GALK2: variants seen among roughly 807,000 people sequenced by gnomAD.
GALK2 encodes N-acetylgalactosamine kinase.
Under a neutral mutation model 52.4 loss-of-function variants are expected in GALK2, and 36 were observed. The observed-to-expected ratio is 0.69, with a 90% confidence interval of 0.53 to 0.91. The LOEUF (loss-of-function observed/expected upper bound fraction) is 0.91. Among genes scored for constraint, GALK2 ranks in the 40% least tolerant of loss-of-function variants. The probability of loss-of-function intolerance (pLI) is 0.00; values close to 1 mark genes in which losing one functional copy is unlikely to be tolerated. For synonymous variants in GALK2, 176 were observed against 199.1 expected (o/e 0.88, Z 0.98); for missense variants, 579 against 559.1 (o/e 1.04, Z -0.36).
chr15:49,240,559 A>G (rs1380981391), intron 5 of GALK2, among the ~76,000 whole-genome samples: 1 of 152,216 alleles, frequency 6.6e-6, no homozygotes, highest in Non-Finnish European at 1.5e-5. Context: ...TTTAGAGAGC[A>G]TAGGACATCT....
chr15:49,197,227 T>G (rs2087313229), intron 1 of GALK2, among the ~76,000 whole-genome samples: 2 of 152,372 alleles, frequency 1.3e-5, no homozygotes, highest in Middle Eastern at 3.4e-3. Flanking sequence ...TTTCTTGATA[T>G]TTAGTCTTTC....
At chr15:49,181,034 TCC>T (rs1566910221) in intron 1 of GALK2, among the ~76,000 whole-genome samples, 1 of 126,824 alleles carries the variant, frequency 7.9e-6, no homozygotes, top group Non-Finnish European at 1.8e-5. Context: ...CTTCCTTCCT[TCC>T]TTCCTTCCTT....
intron 1 of GALK2, among the ~76,000 whole-genome samples, chr15:49,163,567 C>T (rs1325452385): frequency 1.3e-5 from 2 of 152,176 alleles, no homozygotes; most frequent in Non-Finnish European, 2.9e-5. Flanking sequence ...GTTCCAGCAT[C>T]ATTTGTTGAA....
chr15:49,240,435 T>G (rs1422666348), intron 5 of GALK2, among the ~76,000 whole-genome samples: 1 of 152,196 alleles, frequency 6.6e-6, no homozygotes, highest in East Asian at 1.9e-4. Flanking sequence ...AAGTATAGTC[T>G]CAACTTTCAC....
chr15:49,344,550 G>C (rs1434201085), intron 3 of GALK2, among the ~76,000 whole-genome samples: 2 of 152,160 alleles, frequency 1.3e-5, no homozygotes, highest in Non-Finnish European at 1.5e-5. Flanking sequence ...AGCCTAGCGA[G>C]GGAGGACTGT....
chr15:49,201,398 C>A, intron 2 of GALK2, 148 bp downstream of exon 2: 1 of 523,488 alleles, frequency 1.9e-6, no homozygotes, highest in Non-Finnish European at 3.4e-6. Flanking sequence ...GCATAAGGAA[C>A]ACACTTTACT....
chr15:49,311,059 A>AT (rs993133439), intron 8 of GALK2, among the ~76,000 whole-genome samples: 3 of 152,068 alleles, frequency 2.0e-5, no homozygotes, highest in Non-Finnish European at 4.4e-5. Context: ...TCTTAAGTTG[A>AT]TTTTTTTATA....
intron 3 of GALK2, among the ~76,000 whole-genome samples, chr15:49,347,447 T>G (rs1019087385): frequency 6.6e-5 from 10 of 152,148 alleles, no homozygotes; most frequent in African/African-American, 2.2e-4. Flanking sequence ...ATAGGACAGA[T>G]TATTGATGAC....
chr15:49,236,168 G>C (rs999310436), intron 4 of GALK2, among the ~76,000 whole-genome samples: 4 of 152,130 alleles, frequency 2.6e-5, no homozygotes, highest in African/African-American at 9.7e-5. Flanking sequence ...ATAAATAGGT[G>C]CATCTGACAA....
At chr15:49,312,565 CT>C (rs1242886407) in intron 8 of GALK2, among the ~76,000 whole-genome samples, 3 of 152,202 alleles carry the variant, frequency 2.0e-5, no homozygotes, top group African/African-American at 7.2e-5. Flanking sequence ...CCCTCCCCAG[CT>C]TAGAGACAGC....
chr15:49,311,090 T>A (rs1271935118), intron 8 of GALK2, among the ~76,000 whole-genome samples: 2 of 152,186 alleles, frequency 1.3e-5, no homozygotes, highest in African/African-American at 4.8e-5. Context: ...CAGGAGTCTA[T>A]TTGTCTTCTT....
At chr15:49,187,708 C>A (rs1428102623) in intron 1 of GALK2, among the ~76,000 whole-genome samples, 1 of 152,166 alleles carries the variant, frequency 6.6e-6, no homozygotes, top group Non-Finnish European at 1.5e-5. Context: ...GCCACCTCCC[C>A]CAGCCTGTAG....
chr15:49,278,034 G>T (rs538276992), intron 5 of GALK2, among the ~76,000 whole-genome samples: 2 of 151,920 alleles, frequency 1.3e-5, no homozygotes, highest in African/African-American at 4.8e-5. Context: ...AGGCCGAGGC[G>T]GGCAGATCAC....
chr15:49,350,188 A>T (rs1435254437), intron 3 of GALK2, among the ~76,000 whole-genome samples: 1 of 152,172 alleles, frequency 6.6e-6, no homozygotes, highest in Admixed American at 6.5e-5. Flanking sequence ...TGACAATGGA[A>T]ATGTCTGACA....
chr15:49,341,279 A>G (rs1021175116), intron 3 of GALK2, among the ~76,000 whole-genome samples: 1 of 152,102 alleles, frequency 6.6e-6, no homozygotes, highest in Non-Finnish European at 1.5e-5. Flanking sequence ...TTTTTTTCTA[A>G]TTCTGTGAAA....
At chr15:49,270,971 A>G (rs1042241188) in intron 5 of GALK2, among the ~76,000 whole-genome samples, 1 of 152,144 alleles carries the variant, frequency 6.6e-6, no homozygotes, top group African/African-American at 2.4e-5. Context: ...TCTGCTCAAA[A>G]CACAGTATAA....
At chr15:49,203,167 C>T (rs963033919) in intron 2 of GALK2, among the ~76,000 whole-genome samples, 7 of 152,148 alleles carry the variant, frequency 4.6e-5, no homozygotes, top group African/African-American at 1.4e-4. Context: ...TCTCCTGCCT[C>T]GGCCTCCCGA....
intron 2 of GALK2, among the ~76,000 whole-genome samples, chr15:49,208,713 T>A (rs184159925): frequency 1.4e-4 from 21 of 152,330 alleles, no homozygotes; most frequent in Non-Finnish European, 2.4e-4. Flanking sequence ...CTTTGTTGAC[T>A]TTCTGTCTTG....
At chr15:49,321,953 G>A (rs1374483667) in intron 9 of GALK2, among the ~76,000 whole-genome samples, 1 of 152,194 alleles carries the variant, frequency 6.6e-6, no homozygotes, top group Non-Finnish European at 1.5e-5. Context: ...AAGTGGGCTG[G>A]AAGTGAGGAA....
Sources: gnomAD v4.1 joint callset for allele counts (sites outside exome capture counted in the v4.1 genomes callset) on GRCh38, gnomAD v4.1.1 for gene constraint, MANE v1.5 for transcripts, NCBI Gene and HGNC (gene_info 2026-07-23, HGNC 2026-07-21) for gene names.